The following LMNB2 variants were observed in gnomAD, a reference collection of about 807,000 sequenced individuals.
The protein encoded by LMNB2 is lamin B2, also known as lamin-B2.
In LMNB2, 17 loss-of-function variants were observed where a neutral mutation model predicts 69.3. The observed-to-expected ratio is 0.25, with a 90% CI of 0.17 to 0.37. The LOEUF (loss-of-function observed/expected upper bound fraction) is 0.37, where lower values mean the gene tolerates loss of function less well. Ranked by LOEUF, LMNB2 falls within the 10% of genes least tolerant of loss-of-function variation. The probability of loss-of-function intolerance (pLI) is 1.00; values close to 1 mark genes in which losing one functional copy is unlikely to be tolerated. For missense variants in LMNB2, 789 were observed against 883.6 expected, an observed-to-expected ratio of 0.89 and a Z score of 1.36; for synonymous variants, 397 against 389.3, an observed-to-expected ratio of 1.02 and a Z score of -0.23.
At chr19:2,451,759 G>C (rs1441139939) in intron 1 of LMNB2, among the ~76,000 whole-genome samples, 1 of 152,082 alleles carries the variant, frequency 6.6e-6, no homozygotes, top group African/African-American at 2.4e-5. Flanking sequence ...AGCATAACTC[G>C]GCTGGAGGAG....
chr19:2,431,045 A>AGGT, intron 11 of LMNB2, 93 bp from the exon 12 acceptor site: 3 of 798,684 alleles, frequency 3.8e-6, no homozygotes, highest in Non-Finnish European at 6.7e-6. Context: ...CCCACCAGGG[A>AGGT]GGGGCTGAGC....
At position 2,453,135 on chromosome 19, in the gene LMNB2, G is replaced by A. The variant is rs917652427; in HGVS notation, c.264+3535C>T. Among the ~76,000 whole-genome samples the A allele has an allele frequency of 1.2e-4, 19 of 152,022 alleles. No individual in the cohort carries two copies. The highest frequency in any genetic ancestry group is 2.1e-4 in the Non-Finnish European group (14 of 67,964). The stretch of plus-strand genomic sequence containing the variant: ...GGCCAGGTGATTCTCTTCTCGGGGC[G>A]CTGAGCAGTACCCAGCCTCCACCCA... On this transcript the variant is annotated intron_variant, in intron 1 of 11. Coordinates refer to ENST00000325327, the MANE Select transcript of LMNB2 (RefSeq NM_032737.4). This position sits in a 1 kb window ranked among gnomAD's most constrained non-coding sequence, Gnocchi z 4.4.
At position 2,431,626 on chromosome 19, in the gene LMNB2, C is replaced by T. The variant is rs142082911; in HGVS notation, c.1743G>A (p.Ser581=). The T allele has an allele frequency of 1.9e-5, 31 of 1,614,004 alleles. No individual in the cohort carries two copies. Among genetic ancestry groups the T allele is most frequent in the East Asian group, 2.2e-5 (1 of 44,898 alleles). ...EVAMRTVKKS[S]VMRENENGEE... ...CCCCATTCTCATTCTCACGCATCAC[C>T]GAGGACTTCTTCACAGTCCTCATGG... Residue 581 remains serine (S), a synonymous_variant, in exon 11 of 12, where the codon TCG becomes TCA. Transcript: ENST00000325327.
In LMNB2 at chr19:2,456,802, C is replaced by A. The variant is rs1457177053; in HGVS notation, c.132G>T (p.Leu44=). ...TPLSPTRLSR[L]QEKEELRELN... ...GCTCGCGCAGCTCCTCCTTCTCCTGCAGCCGCGACAGGCGCGTGGGCGACA... is the reference window on the plus strand; with the variant it reads ...GCTCGCGCAGCTCCTCCTTCTCCTGAAGCCGCGACAGGCGCGTGGGCGACA... The change falls in exon 1 of 12, where the codon CTG becomes CTT. Residue 44 remains leucine, a synonymous_variant. Coordinates refer to ENST00000325327, the MANE Select transcript of LMNB2 (RefSeq NM_032737.4). 3 of 1,499,836 alleles carry A rather than the reference C, an allele frequency of 2.0e-6. No homozygotes were observed. The highest frequency in any genetic ancestry group is 2.0e-5 in the Admixed American group (1 of 49,584). The allele number at this position is 1,499,836 out of a possible 1,614,324, so 92.9% of individuals were successfully genotyped here. A position where few individuals can be genotyped will look rare whatever the true frequency, so the allele number is the denominator to read the frequency against.
chr19:2,452,937 G>A (rs1484626441), intron 1 of LMNB2, among the ~76,000 whole-genome samples: 2 of 141,820 alleles, frequency 1.4e-5, no homozygotes, highest in South Asian at 2.3e-4. Context: ...TGGGGGCTGC[G>A]TCATCCTCAT....
Position 2,430,587 on chromosome 19 carries a change from C to G in LMNB2, c.*324G>C, listed in dbSNP as rs549377503. On this transcript the variant is annotated 3_prime_UTR_variant, in exon 12 of 12. Coordinates refer to ENST00000325327, the MANE Select transcript of LMNB2 (RefSeq NM_032737.4). Reference sequence around the variant, plus strand: ...GCAGCAGGGCCGTCTCCTGTCCCCTCGCTAGCCTCGCCGGCCCTCCTCCCT... The same window carrying G: ...GCAGCAGGGCCGTCTCCTGTCCCCTGGCTAGCCTCGCCGGCCCTCCTCCCT... 2.2e-6 allele frequency: 1 copy of G among 445,274 alleles called. No homozygotes were observed. Among genetic ancestry groups the G allele is most frequent in the Non-Finnish European group, 4.2e-6 (1 of 239,904 alleles). The allele number at this position is 445,274 out of a possible 1,614,324, so 27.6% of individuals were successfully genotyped here.
rs1971805220 is a variant in LMNB2 at position 2,435,075 on chromosome 19, C to A, written c.781G>T (p.Glu261Ter). The A allele has an allele frequency of 1.2e-6, 2 of 1,610,732 alleles. No homozygotes were observed. Among genetic ancestry groups the A allele is most frequent in the South Asian group, 2.2e-5 (2 of 91,090 alleles). ...EYDFKMAQAL[E>*]ELRSQHDEQV... ...TCGTCGTGCTGGCTCCGCAGCTCCT[C>A]CAGCGCCTGTGCCATCTTGAAGTCG... Residue 261 changes from glutamate (E) to a stop codon, truncating the protein, a stop_gained, in exon 5 of 12, where the codon GAG (glutamate) becomes TAG (stop). Transcript: ENST00000325327. LOFTEE classifies it high-confidence loss of function.
rs554002382 is a variant in LMNB2 at position 2,429,488 on chromosome 19, C to G, written c.*1423G>C. ...TTGTCGGCCGCTGGCTCCTTCCCGGCCTGGGGCTGGGGCCCCCCATTCCTT... is the reference window on the plus strand; with the variant it reads ...TTGTCGGCCGCTGGCTCCTTCCCGGGCTGGGGCTGGGGCCCCCCATTCCTT... On this transcript the variant is annotated 3_prime_UTR_variant, in exon 12 of 12. Coordinates refer to ENST00000325327, the MANE Select transcript of LMNB2 (RefSeq NM_032737.4). 99 of 152,412 alleles carry G rather than the reference C, an allele frequency of 6.5e-4. 1 individual carries two copies. The highest frequency in any genetic ancestry group is 2.3e-3 in the African/African-American group (95 of 41,600). 9.4% of individuals were successfully genotyped at this position (152,412 alleles called of 1,614,324 possible). A position where few individuals can be genotyped will look rare whatever the true frequency, so the allele number is the denominator to read the frequency against.
chr19:2,441,948 G>A (rs915104025), intron 2 of LMNB2, among the ~76,000 whole-genome samples: 1 of 152,230 alleles, frequency 6.6e-6, no homozygotes, highest in Non-Finnish European at 1.5e-5. Context: ...CAGCAACTCG[G>A]TCTAAACCAC....
intron 11 of LMNB2, 115 bp from the exon 12 acceptor site, chr19:2,431,067 C>T: frequency 1.4e-6 from 1 of 736,564 alleles, no homozygotes. Flanking sequence ...ACAACAGTGT[C>T]TATTTCTAGA....
intron 2 of LMNB2, among the ~76,000 whole-genome samples, chr19:2,442,001 C>T (rs534175081): frequency 6.6e-5 from 10 of 152,294 alleles, no homozygotes; most frequent in South Asian, 2.1e-4. Context: ...AGGCAGGGTG[C>T]GGGCTCCCAG....
At chr19:2,452,508 A>C (rs1191846004) in intron 1 of LMNB2, among the ~76,000 whole-genome samples, 1 of 151,606 alleles carries the variant, frequency 6.6e-6, no homozygotes, top group African/African-American at 2.4e-5. Flanking sequence ...CGGGCAGATC[A>C]CAAGGTCAAG....
Position 2,447,442 on chromosome 19 carries a change from G to T in LMNB2, c.265-2902C>A, listed in dbSNP as rs1971969144. On this transcript the variant is annotated intron_variant, in intron 1 of 11. Coordinates refer to ENST00000325327, the MANE Select transcript of LMNB2 (RefSeq NM_032737.4). This position sits in a 1 kb window ranked among gnomAD's most constrained non-coding sequence, Gnocchi z 4.4. ...AAGGGGACGGGGAGTGACCGCTGAG[G>T]GGGACAGGCTTCTTTTAGTGGGGAT... Among the ~76,000 whole-genome samples the T allele has an allele frequency of 6.6e-6, 1 of 152,196 alleles. No homozygotes were observed. The highest frequency in any genetic ancestry group is 2.1e-4 in the South Asian group (1 of 4,828).
chr19:2,456,584 G>A, intron 1 of LMNB2, 86 bp downstream of exon 1: 2 of 1,272,324 alleles, frequency 1.6e-6, no homozygotes, highest in Non-Finnish European at 1.0e-6. Flanking sequence ...CTGCACCCCC[G>A]CCCAGGGTCC....
intron 1 of LMNB2, among the ~76,000 whole-genome samples, chr19:2,448,270 A>C (rs1285868108): frequency 6.6e-6 from 1 of 152,078 alleles, no homozygotes; most frequent in Non-Finnish European, 1.5e-5. Flanking sequence ...CTCTCCCTCA[A>C]AGCTCCCAAA....
intron 2 of LMNB2, among the ~76,000 whole-genome samples, chr19:2,441,635 C>T (rs1281462620): frequency 6.6e-6 from 1 of 152,236 alleles, no homozygotes. Flanking sequence ...CGCTCTCACA[C>T]CAGAGGTGCA....
In LMNB2 at chr19:2,434,046, C is replaced by A; in HGVS notation, c.1262G>T (p.Ser421Ile). 6.2e-7 allele frequency: 1 copy of A among 1,601,928 alleles called. No homozygotes were observed. The stretch of plus-strand genomic sequence containing the variant: ...CCCGGTGGCGGACAAGCTGCCGCTG[C>A]TGCTCGAGGTGGCTCGTGAGACGGT... ...RVTVSRATSS[S>I]SGSLSATGRL... is the part of the protein sequence containing the mutation. The change falls in exon 8 of 12, where the codon AGC becomes ATC. Residue 421 changes from serine to isoleucine, a missense_variant. Ser to Ile is a moderately radical substitution (Grantham distance 142). Transcript: ENST00000325327.
At chr19:2,440,610 C>T (rs1295511788) in intron 2 of LMNB2, among the ~76,000 whole-genome samples, 2 of 151,844 alleles carry the variant, frequency 1.3e-5, no homozygotes, top group Non-Finnish European at 2.9e-5. Flanking sequence ...ATCTATCCAT[C>T]CACCCATCAT....
At chr19:2,441,171 T>A (rs573120565) in intron 2 of LMNB2, among the ~76,000 whole-genome samples, 1 of 152,322 alleles carries the variant, frequency 6.6e-6, no homozygotes, top group East Asian at 1.9e-4. Context: ...GGGTCCCTGG[T>A]CGGGGGTCAG....
Sources: allele counts gnomAD v4.1 joint callset (sites outside exome capture counted in the v4.1 genomes callset), GRCh38; gene constraint gnomAD v4.1.1; non-coding constraint Gnocchi (gnomAD v3.1); transcripts MANE v1.5; gene names NCBI Gene and HGNC (gene_info 2026-07-23, HGNC 2026-07-21).